UBP1: variants seen among roughly 807,000 people sequenced by gnomAD.
UBP1 encodes the protein upstream binding protein 1.
In UBP1, 22 loss-of-function variants were observed where a neutral mutation model predicts 76.1. The ratio of observed to expected loss-of-function variants is 0.29; its 90% CI spans 0.21 to 0.41. The LOEUF (loss-of-function observed/expected upper bound fraction) is 0.41, where lower values mean the gene tolerates loss of function less well. Among genes scored for constraint, UBP1 ranks in the 10% least tolerant of loss-of-function variants. UBP1 has a pLI of 1.00. For synonymous variants in UBP1, 224 were observed against 237.1 expected, an observed-to-expected ratio of 0.94 and a Z score of 0.51; for missense variants, 436 against 668.1, an observed-to-expected ratio of 0.65 and a Z score of 3.83.
intron 14 of UBP1, chr3:33,393,052 C>T (rs994626473): frequency 1.5e-5 from 6 of 401,520 alleles, no homozygotes; most frequent in African/African-American, 1.2e-4. Context: ...CTGCCACTAT[C>T]CCTAGAGTGC....
Position 33,429,267 on chromosome 3 carries a change from T to G in UBP1, c.114-3526A>C, listed in dbSNP as rs553721577. On this transcript the variant is annotated intron_variant, in intron 1 of 15. Coordinates refer to ENST00000283629, the MANE Select transcript of UBP1 (RefSeq NM_014517.5). Reference sequence around the variant, plus strand: ...TATGTTGAAAGTCCTAAAACCTTGATGGTTTTTGTAATCCCATAAATGGAA... The same window carrying G: ...TATGTTGAAAGTCCTAAAACCTTGAGGGTTTTTGTAATCCCATAAATGGAA... Among the ~76,000 whole-genome samples, 7 of 152,324 alleles carry G rather than the reference T, an allele frequency of 4.6e-5. No homozygotes were observed. In the East Asian group the frequency reaches 1.3e-3, roughly 29 times the overall value.
intron 1 of UBP1, among the ~76,000 whole-genome samples, chr3:33,427,999 G>A (rs2045047476): frequency 1.3e-5 from 2 of 151,830 alleles, no homozygotes; most frequent in African/African-American, 2.4e-5. Flanking sequence ...GAGACATGGC[G>A]GGGGAAACCC....
upstream of UBP1, chr3:33,440,556 C>T (rs112509032): frequency 0.013 from 2,019 of 152,542 alleles, 19 homozygotes; most frequent in South Asian, 0.026. Context: ...GCGGCTGTTC[C>T]CAGCCGGGGT....
At chr3:33,422,271 C>T (rs1383387318) in intron 2 of UBP1, among the ~76,000 whole-genome samples, 1 of 151,914 alleles carries the variant, frequency 6.6e-6, no homozygotes, top group Non-Finnish European at 1.5e-5. Context: ...GAAAAATATA[C>T]CTTTAAGGAC....
intron 8 of UBP1, 68 bp from the exon 9 acceptor site, chr3:33,402,972 T>C: frequency 7.5e-7 from 1 of 1,332,370 alleles, no homozygotes; most frequent in Non-Finnish European, 1.0e-6. Flanking sequence ...ATTTTTGTAA[T>C]TCACTCACTA....
chr3:33,396,097 G>T, intron 13 of UBP1, 65 bp downstream of exon 13: 2 of 1,397,860 alleles, frequency 1.4e-6, no homozygotes, highest in Non-Finnish European at 2.0e-6. Flanking sequence ...CTGCTCAATC[G>T]AGTCCTTTCC....
intron 1 of UBP1, among the ~76,000 whole-genome samples, chr3:33,428,508 T>C (rs928200138): frequency 6.6e-6 from 1 of 152,144 alleles, no homozygotes; most frequent in Non-Finnish European, 1.5e-5. Context: ...GACAATTTTA[T>C]ATGCTTCAGA....
chr3:33,403,771 A>ATC (rs1171807841), intron 8 of UBP1: 1 of 152,202 alleles, frequency 6.6e-6, no homozygotes, highest in Non-Finnish European at 1.5e-5. Flanking sequence ...TGCCAGAGTA[A>ATC]TCTCAAATAC....
At chr3:33,399,627 T>C (rs1249889942) in intron 11 of UBP1, among the ~76,000 whole-genome samples, 2 of 152,174 alleles carry the variant, frequency 1.3e-5, no homozygotes, top group Non-Finnish European at 2.9e-5. Context: ...TGTAAAGTGG[T>C]TGCCAAGGAC....
chr3:33,428,047 T>C (rs967147682), intron 1 of UBP1, among the ~76,000 whole-genome samples: 1 of 152,004 alleles, frequency 6.6e-6, no homozygotes, highest in Non-Finnish European at 1.5e-5. Context: ...CTGGGCGTAG[T>C]GGGGCACGCC....
At chr3:33,438,827 T>C (rs2045241285) in intron 1 of UBP1, among the ~76,000 whole-genome samples, 1 of 152,222 alleles carries the variant, frequency 6.6e-6, no homozygotes, top group Non-Finnish European at 1.5e-5. Context: ...TGAATGCTAC[T>C]GGGAAACTGT....
intron 2 of UBP1, among the ~76,000 whole-genome samples, chr3:33,421,376 G>A (rs551000676): frequency 2.6e-5 from 4 of 152,290 alleles, no homozygotes; most frequent in African/African-American, 9.6e-5. Context: ...AGGTTCAAGT[G>A]ATTCTCCTGC....
At chr3:33,397,760 C>G (rs115889288) in intron 11 of UBP1, 1 of 152,138 alleles carries the variant, frequency 6.6e-6, no homozygotes, top group Non-Finnish European at 1.5e-5. Flanking sequence ...ATCCTACTTA[C>G]GATGTCATTT....
At chr3:33,433,243 T>G (rs1243305370) in intron 1 of UBP1, among the ~76,000 whole-genome samples, 1 of 149,908 alleles carries the variant, frequency 6.7e-6, no homozygotes, top group Non-Finnish European at 1.5e-5. Context: ...GTATTCTTAG[T>G]AGAGACGGGG....
chr3:33,411,815 T>C, intron 4 of UBP1, 128 bp from the exon 5 acceptor site: 4 of 714,202 alleles, frequency 5.6e-6, no homozygotes, highest in Middle Eastern at 2.8e-4. Context: ...ATGGTCTCCA[T>C]GATCAACTTC....
At chr3:33,422,377 A>G (rs67338711) in intron 2 of UBP1, among the ~76,000 whole-genome samples, 39,186 of 151,878 alleles carry the variant, frequency 0.26, 5,955 homozygotes, top group East Asian at 0.47. Flanking sequence ...CCTGTCTCTA[A>G]AAACAAACAA....
In UBP1 at chr3:33,411,828, C is replaced by G. The variant is rs1575473280; in HGVS notation, c.449-141G>C. ...CAATGGTCTCCATGATCAACTTCTT[C>G]AACATCGAAACCCACCCTAAACGAA... On this transcript the variant is annotated intron_variant, in intron 4 of 15. Transcript: ENST00000283629. 4.5e-6 allele frequency: 3 copies of G among 664,300 alleles called. No individual in the cohort carries two copies. The East Asian group carries it at 8.3e-5, about 18-fold the overall frequency. 41.2% of individuals were successfully genotyped at this position (664,300 alleles called of 1,614,324 possible).
chr3:33,401,955 G>A (rs550594240), intron 9 of UBP1, among the ~76,000 whole-genome samples: 51 of 152,272 alleles, frequency 3.3e-4, no homozygotes, highest in African/African-American at 1.2e-3. Flanking sequence ...TACTCTTAAA[G>A]CATAATAGCC....
chr3:33,439,551 C>T (rs943525416), intron 1 of UBP1, among the ~76,000 whole-genome samples, 185 bp downstream of exon 1: 1 of 152,238 alleles, frequency 6.6e-6, no homozygotes, highest in Non-Finnish European at 1.5e-5. Context: ...CCCACCCGCC[C>T]GTCACCAGGG....
Sources: allele counts gnomAD v4.1 joint callset (sites outside exome capture counted in the v4.1 genomes callset), GRCh38; gene constraint gnomAD v4.1.1; transcripts MANE v1.5; gene names NCBI Gene and HGNC (gene_info 2026-07-23, HGNC 2026-07-21).